Variants in PRSS38 observed in about 807,000 individuals in gnomAD.
PRSS38 encodes the protein marapsin 2.
PRSS38 carries 22 observed loss-of-function variants against 26.8 expected under a neutral mutation model. The observed-to-expected ratio is 0.82, with a 90% CI of 0.59 to 1.17. PRSS38 has a LOEUF of 1.17. Among genes scored for constraint, PRSS38 ranks in the 50% most tolerant of loss-of-function variants. The pLI is 0.00. For missense variants in PRSS38, 427 were observed against 422.7 expected (o/e 1.01, Z -0.09); for synonymous variants, 175 against 172.1 (o/e 1.02, Z -0.13).
At chr1:227,844,551 C>A (rs565932344) in intron 3 of PRSS38, among the ~76,000 whole-genome samples, 4 of 141,512 alleles carry the variant, frequency 2.8e-5, no homozygotes, top group African/African-American at 1.2e-4. Context: ...TGTGGTGGGG[C>A]TCCTCCCTAT....
rs1664909824 is a variant in PRSS38, at chr1:227,816,132, TCCCTGCG to T, written c.195_201del (p.Ala66ArgfsTer48). 6.2e-7 allele frequency: 1 copy of T among 1,613,426 alleles called. No homozygotes were observed. Among genetic ancestry groups the T allele is most frequent in the Admixed American group, 1.7e-5 (1 of 59,976 alleles). Reference sequence around the variant, plus strand: ...ATGGAGGGGAAAATCCTGGGCGGCGTCCCTGCGCCCGAGAGGAAGTGGCCGTGGCAGG... The same window carrying T: ...ATGGAGGGGAAAATCCTGGGCGGCGTCCCGAGAGGAAGTGGCCGTGGCAGG... On this transcript the variant is annotated frameshift_variant, in exon 2 of 5. Transcript: ENST00000366757. LOFTEE classifies it high-confidence loss of function. This position sits in a 1 kb window ranked among gnomAD's most constrained non-coding sequence, Gnocchi z 5.1.
intron 3 of PRSS38, among the ~76,000 whole-genome samples, chr1:227,839,937 C>T (rs1384889187): frequency 1.3e-5 from 2 of 152,144 alleles, no homozygotes; most frequent in East Asian, 1.9e-4. Flanking sequence ...TTTCTCTTTG[C>T]CCCTCGGCTT....
At chr1:227,822,003 C>T (rs1213526632) in intron 3 of PRSS38, among the ~76,000 whole-genome samples, 1 of 152,098 alleles carries the variant, frequency 6.6e-6, no homozygotes, top group African/African-American at 2.4e-5. Flanking sequence ...GTCTCTTAGG[C>T]TCTCTTTACT....
chr1:227,834,242 T>C (rs1356880780), intron 3 of PRSS38, among the ~76,000 whole-genome samples: 1 of 152,142 alleles, frequency 6.6e-6, no homozygotes, highest in African/African-American at 2.4e-5. Context: ...AGAAAAACTT[T>C]TTGTCGTTTG....
exon 3 of PRSS38, chr1:227,817,386 T>G: frequency 6.2e-7 from 1 of 1,614,218 alleles, no homozygotes; most frequent in African/African-American, 1.3e-5. Context: ...TTGTGTTTTC[T>G]GAGTCCGTGC....
At chr1:227,839,903 A>C (rs968049087) in intron 3 of PRSS38, among the ~76,000 whole-genome samples, 1 of 152,142 alleles carries the variant, frequency 6.6e-6, no homozygotes, top group African/African-American at 2.4e-5. Flanking sequence ...GCGGATCTTT[A>C]TTCTGAGCCA....
intron 3 of PRSS38, among the ~76,000 whole-genome samples, chr1:227,831,754 A>G (rs1412864549): frequency 6.6e-6 from 1 of 152,196 alleles, no homozygotes; most frequent in Non-Finnish European, 1.5e-5. Context: ...TGGGAGGCTG[A>G]GACAGGAGAA....
chr1:227,835,758 A>G (rs751640162), intron 3 of PRSS38, among the ~76,000 whole-genome samples: 2 of 152,206 alleles, frequency 1.3e-5, no homozygotes, highest in South Asian at 2.1e-4. Flanking sequence ...GAACAGGCAA[A>G]TCATACAGAT....
At position 227,832,571 on chromosome 1, in the gene PRSS38, G is replaced by A. The variant is rs115079414; in HGVS notation, c.584-12899G>A. ...TGAAATATAACAATGGTTAAATACCGAAAGCCTTCCCTCCAAGATCAGGAA... is the reference window on the plus strand; with the variant it reads ...TGAAATATAACAATGGTTAAATACCAAAAGCCTTCCCTCCAAGATCAGGAA... On this transcript the variant is annotated intron_variant, in intron 3 of 4. Coordinates refer to ENST00000366757, the Ensembl canonical transcript of PRSS38. Among the ~76,000 whole-genome samples, 1,061 of 152,180 alleles carry A rather than the reference G, an allele frequency of 7.0e-3. 17 individuals carry two copies. Among genetic ancestry groups the A allele is most frequent in the African/African-American group, 0.024 (1,017 of 41,530 alleles).
chr1:227,837,587 G>C (rs114057933), intron 3 of PRSS38, among the ~76,000 whole-genome samples: 1 of 152,178 alleles, frequency 6.6e-6, no homozygotes, highest in Admixed American at 6.5e-5. Flanking sequence ...GGGAATATAG[G>C]TACTTGTTTA....
At chr1:227,833,487 A>C (rs1665191899) in intron 3 of PRSS38, among the ~76,000 whole-genome samples, 1 of 151,908 alleles carries the variant, frequency 6.6e-6, no homozygotes, top group Non-Finnish European at 1.5e-5. Context: ...AGATCGTGGC[A>C]CTGCACTCTA....
intron 3 of PRSS38, among the ~76,000 whole-genome samples, chr1:227,834,996 A>G (rs1445294446): frequency 6.6e-6 from 1 of 152,240 alleles, no homozygotes; most frequent in Non-Finnish European, 1.5e-5. Context: ...ACAAAAAGCA[A>G]GCAACCCAAT....
In PRSS38 at chr1:227,816,830, T is replaced by C. The variant is rs1158068367; in HGVS notation, c.312-379T>C. Among the ~76,000 whole-genome samples the C allele has an allele frequency of 1.3e-5, 2 of 152,200 alleles. No homozygotes were observed. Among genetic ancestry groups the C allele is most frequent in the Non-Finnish European group, 2.9e-5 (2 of 68,030 alleles). On this transcript the variant is annotated intron_variant, in intron 2 of 4. Coordinates refer to ENST00000366757, the Ensembl canonical transcript of PRSS38. The surrounding 1 kb of genome is among the most constrained non-coding windows in gnomAD (Gnocchi z 5.1). ...GTCTCTAAGCACCTGGCCTTCCCGA[T>C]TGCTCCTCCAACAGCCCCATTCACC...
intron 3 of PRSS38, among the ~76,000 whole-genome samples, chr1:227,834,827 G>T (rs1026578803): frequency 1.4e-4 from 22 of 152,080 alleles, no homozygotes; most frequent in African/African-American, 5.1e-4. Context: ...GACCTAAATT[G>T]TCTCAAAAAA....
chr1:227,817,594 C>A, intron 3 of PRSS38, 114 bp downstream of exon 3: 1 of 978,434 alleles, frequency 1.0e-6, no homozygotes, highest in East Asian at 2.5e-5. Flanking sequence ...GGAATCCCCA[C>A]CTGTCAATCA....
chr1:227,826,818 G>A (rs761937205), intron 3 of PRSS38, among the ~76,000 whole-genome samples: 8 of 152,108 alleles, frequency 5.3e-5, no homozygotes. Flanking sequence ...ATTGGCTGTG[G>A]GTTTGTCATA....
intron 3 of PRSS38, among the ~76,000 whole-genome samples, chr1:227,831,492 T>C (rs758796946): frequency 2.6e-5 from 4 of 152,176 alleles, no homozygotes; most frequent in Non-Finnish European, 4.4e-5. Flanking sequence ...CTTGCTGTCA[T>C]TGGTGTGGAA....
chr1:227,843,986 T>C (rs1665377373), intron 3 of PRSS38, among the ~76,000 whole-genome samples: 1 of 152,174 alleles, frequency 6.6e-6, no homozygotes, highest in Non-Finnish European at 1.5e-5. Context: ...AGACCCTGTC[T>C]CAAAACAACA....
At chr1:227,842,007 C>T (rs1210124109) in intron 3 of PRSS38, among the ~76,000 whole-genome samples, 13 of 152,128 alleles carry the variant, frequency 8.5e-5, no homozygotes, top group Non-Finnish European at 4.4e-5. Flanking sequence ...TCCCAGGCTC[C>T]TTTTAACAAC....
Sources: gnomAD v4.1 joint callset for allele counts (sites outside exome capture counted in the v4.1 genomes callset) on GRCh38, gnomAD v4.1.1 for gene constraint, Gnocchi (gnomAD v3.1) non-coding constraint, MANE v1.5 for transcripts, NCBI Gene and HGNC (gene_info 2026-07-23, HGNC 2026-07-21) for gene names.